The following IP6K1 variants were observed in gnomAD, a reference collection of about 807,000 sequenced individuals.
The protein encoded by IP6K1 is ATP:1D-myo-inositol-hexakisphosphate phosphotransferase.
IP6K1 carries 13 observed loss-of-function variants against 38.3 expected under a neutral mutation model. The observed-to-expected ratio is 0.34, with a 90% CI of 0.22 to 0.54. The LOEUF is 0.54. IP6K1 is among the 20% of genes least tolerant of loss of function. The pLI is 0.92. For missense variants in IP6K1, 397 were observed against 599.8 expected, an observed-to-expected ratio of 0.66 and a Z score of 3.53; for synonymous variants, 212 against 229.9, an observed-to-expected ratio of 0.92 and a Z score of 0.70.
chr3:49,765,943 G>A (rs1163656263), intron 1 of IP6K1, among the ~76,000 whole-genome samples: 1 of 151,418 alleles, frequency 6.6e-6, no homozygotes, highest in Non-Finnish European at 1.5e-5. Flanking sequence ...TTGTGAGGCC[G>A]AAGCGGGCAG....
chr3:49,779,397 G>A (rs2081046113), intron 1 of IP6K1, among the ~76,000 whole-genome samples: 1 of 151,948 alleles, frequency 6.6e-6, no homozygotes, highest in Admixed American at 6.6e-5. Flanking sequence ...TTCTCCTTTT[G>A]GCTATTATGA....
chr3:49,757,685 A>T (rs2080836100), intron 1 of IP6K1, among the ~76,000 whole-genome samples: 1 of 152,050 alleles, frequency 6.6e-6, no homozygotes, highest in Non-Finnish European at 1.5e-5. Flanking sequence ...GCGCCACTAC[A>T]CTCCAGCCTG....
chr3:49,764,877 G>GAA (rs768025154), intron 1 of IP6K1, among the ~76,000 whole-genome samples: 5 of 113,754 alleles, frequency 4.4e-5, no homozygotes, highest in African/African-American at 6.5e-5. Context: ...ACTCTGTCTT[G>GAA]AAAAAAAAAA....
At chr3:49,748,229 A>G in intron 1 of IP6K1, 61 bp from the exon 2 acceptor site, 1 of 624,994 alleles carries the variant, frequency 1.6e-6, no homozygotes, top group Non-Finnish European at 2.8e-6. Context: ...ATTTCCCTGG[A>G]GCTCCATGAG....
intron 1 of IP6K1, among the ~76,000 whole-genome samples, chr3:49,761,601 G>A (rs1270692976): frequency 2.5e-4 from 36 of 142,706 alleles, no homozygotes; most frequent in African/African-American, 7.9e-5. Flanking sequence ...GCAACAGCGC[G>A]AGACTCCGTC....
At chr3:49,778,814 T>TG (rs1424872026) in intron 1 of IP6K1, among the ~76,000 whole-genome samples, 4 of 152,058 alleles carry the variant, frequency 2.6e-5, no homozygotes, top group African/African-American at 9.7e-5. Context: ...TTTGTATCGA[T>TG]GGGGTCTCGC....
At chr3:49,767,262 G>C (rs1403485616) in intron 1 of IP6K1, among the ~76,000 whole-genome samples, 1 of 151,950 alleles carries the variant, frequency 6.6e-6, no homozygotes, top group Non-Finnish European at 1.5e-5. Flanking sequence ...TGGGTGACAG[G>C]ATGAGACCCT....
intron 2 of IP6K1, among the ~76,000 whole-genome samples, chr3:49,739,073 T>C (rs184521176): frequency 5.9e-5 from 9 of 152,248 alleles, no homozygotes; most frequent in East Asian, 3.9e-4. Flanking sequence ...AAAACACAAA[T>C]AAGACCCCTC....
chr3:49,728,942 T>C (rs186890259), intron 4 of IP6K1, among the ~76,000 whole-genome samples: 1 of 145,032 alleles, frequency 6.9e-6, no homozygotes, highest in Non-Finnish European at 1.5e-5. Context: ...CAACTAGGAC[T>C]ACAGGCATGC....
intron 1 of IP6K1, among the ~76,000 whole-genome samples, chr3:49,777,724 C>T (rs2081029871): frequency 6.6e-6 from 1 of 150,654 alleles, no homozygotes; most frequent in Non-Finnish European, 1.5e-5. Context: ...ACCATCCTGG[C>T]TAACATGGTG....
chr3:49,753,150 A>G (rs1222787797), intron 1 of IP6K1, among the ~76,000 whole-genome samples: 1 of 151,828 alleles, frequency 6.6e-6, no homozygotes. Flanking sequence ...CTCTGCCTTC[A>G]CTTCCTACCC....
chr3:49,778,835 G>T (rs1036124870), intron 1 of IP6K1, among the ~76,000 whole-genome samples: 2 of 151,916 alleles, frequency 1.3e-5, no homozygotes, highest in African/African-American at 4.8e-5. Context: ...TATGTTTCCA[G>T]AGCTGGTCTC....
In IP6K1 at chr3:49,727,138, C is replaced by T. The variant is rs187406150; in HGVS notation, c.1310G>A (p.Arg437Gln). 1.1e-5 allele frequency: 17 copies of T among 1,607,468 alleles called. No homozygotes were observed. In the Admixed American group the frequency reaches 1.3e-4, roughly 13 times the overall value. Residue 437 changes from arginine to glutamine, a missense_variant, in exon 6 of 6, where the codon CGG becomes CAG. Physicochemically the swap from Arg to Gln is conservative, Grantham distance 43. Transcript: ENST00000321599. The surrounding 1 kb of genome is among the most constrained non-coding windows in gnomAD (Gnocchi z 5.9). ...GAACAGGGCCTACTGGTTCTCGTCC[C>T]GCATCTGTTCCATGATGCTGATGAG... ...ENLISIMEQM[R>Q]DENQ is the part of the protein sequence containing the mutation.
At chr3:49,734,705 T>C (rs2080591659) in intron 3 of IP6K1, among the ~76,000 whole-genome samples, 1 of 152,178 alleles carries the variant, frequency 6.6e-6, no homozygotes, top group Non-Finnish European at 1.5e-5. Flanking sequence ...GCTGAGGCCA[T>C]TCAAAGATGC....
intron 1 of IP6K1, among the ~76,000 whole-genome samples, chr3:49,776,908 G>A (rs2081021484): frequency 6.6e-6 from 1 of 152,214 alleles, no homozygotes; most frequent in South Asian, 2.1e-4. Flanking sequence ...TGACTGGAAA[G>A]GGAAATAAGA....
chr3:49,768,237 T>C (rs2080928384), intron 1 of IP6K1, among the ~76,000 whole-genome samples: 1 of 152,170 alleles, frequency 6.6e-6, no homozygotes, highest in Non-Finnish European at 1.5e-5. Flanking sequence ...CAGATATTTA[T>C]ACACCAATGT....
Position 49,728,114 on chromosome 3 carries a change from A to C in IP6K1, c.781T>G (p.Cys261Gly). The change falls in exon 5 of 6, where the codon TGC becomes GGC. Residue 261 changes from cysteine to glycine, a missense_variant. Physicochemically the swap from Cys to Gly is radical, Grantham distance 159. Coordinates refer to ENST00000321599, the MANE Select transcript of IP6K1 (RefSeq NM_153273.4). The stretch of plus-strand genomic sequence containing the variant: ...CAGAGGTAACTCACCTGCATGCCGC[A>C]GACCCTGACGCCCAGCGTGGCTGAT... ...STSATLGVRVCGMQVYQLDTG... is the reference protein window; with the variant it reads ...STSATLGVRVGGMQVYQLDTG... 6.2e-7 allele frequency: 1 copy of C among 1,613,652 alleles called. No homozygotes were observed. Among genetic ancestry groups the C allele is most frequent in the Non-Finnish European group, 8.5e-7 (1 of 1,179,754 alleles).
chr3:49,769,738 C>T (rs2080942091), intron 1 of IP6K1, among the ~76,000 whole-genome samples: 1 of 152,102 alleles, frequency 6.6e-6, no homozygotes. Context: ...CTTACTTTGT[C>T]TTAGATCATT....
At chr3:49,762,822 G>C (rs903219258) in intron 1 of IP6K1, among the ~76,000 whole-genome samples, 1 of 151,296 alleles carries the variant, frequency 6.6e-6, no homozygotes, top group Non-Finnish European at 1.5e-5. Context: ...ACCCAGGCTG[G>C]AGTGCATGGC....
Sources: allele counts gnomAD v4.1 joint callset (sites outside exome capture counted in the v4.1 genomes callset), GRCh38; gene constraint gnomAD v4.1.1; non-coding constraint Gnocchi (gnomAD v3.1); transcripts MANE v1.5; gene names NCBI Gene and HGNC (gene_info 2026-07-23, HGNC 2026-07-21).